The following ERN1 variants were observed in gnomAD, a reference collection of about 807,000 sequenced individuals.
The protein encoded by ERN1 is serine/threonine-protein kinase/endoribonuclease IRE1.
A neutral mutation model predicts 113.1 loss-of-function variants in ERN1; 39 were observed. The observed-to-expected ratio is 0.34, with a 90% CI of 0.27 to 0.45. The LOEUF is 0.45. Among genes scored for constraint, ERN1 ranks in the 20% least tolerant of loss-of-function variants. The pLI, the probability that ERN1 is intolerant of heterozygous loss-of-function variation, is 1.00. For missense variants in ERN1, 976 were observed against 1,274.8 expected (o/e 0.77, Z 3.57); for synonymous variants, 507 against 515.9 (o/e 0.98, Z 0.23).
intron 10 of ERN1, among the ~76,000 whole-genome samples, chr17:64,062,917 T>C (rs2143364615): frequency 6.6e-6 from 1 of 152,330 alleles, no homozygotes; most frequent in South Asian, 2.1e-4. Flanking sequence ...TGACAATCTA[T>C]AAAGGAAGCG....
Position 64,044,247 on chromosome 17 carries a change from C to T in ERN1, c.2722-47G>A. 4.4e-6 allele frequency: 6 copies of T among 1,356,318 alleles called. No individual in the cohort carries two copies. Among genetic ancestry groups the T allele is most frequent in the Non-Finnish European group, 5.9e-6 (6 of 1,016,772 alleles). The allele number at this position is 1,356,318 out of a possible 1,614,324, so 84.0% of individuals were successfully genotyped here. On this transcript the variant is annotated intron_variant, in intron 21 of 21. Coordinates refer to ENST00000433197, the MANE Select transcript of ERN1 (RefSeq NM_001433.5). This position sits in a 1 kb window ranked among gnomAD's most constrained non-coding sequence, Gnocchi z 4.1. Reference sequence around the variant, plus strand: ...GGGAGATTAGAAAGGGGTTAGAAAGCTCGGGAAATGTTGGCAAAACACCCT... The same window carrying T: ...GGGAGATTAGAAAGGGGTTAGAAAGTTCGGGAAATGTTGGCAAAACACCCT...
chr17:64,095,580 C>T (rs1366505257), intron 2 of ERN1, among the ~76,000 whole-genome samples: 1 of 152,192 alleles, frequency 6.6e-6, no homozygotes, highest in East Asian at 1.9e-4. Flanking sequence ...CATCCCTCCT[C>T]CCTTTCCAGG....
At position 64,049,409 on chromosome 17, in the gene ERN1, G is replaced by A. The variant is rs1416423689; in HGVS notation, c.2254-207C>T. On this transcript the variant is annotated intron_variant, in intron 17 of 21. Transcript: ENST00000433197. This position sits in a 1 kb window ranked among gnomAD's most constrained non-coding sequence, Gnocchi z 4.7. ...AGGTCCCAGTGGAGAACCTGGGCTT[G>A]GAGCCACCTGGAAGCCCCTGGTTCC... Among the ~76,000 whole-genome samples, 1 of 152,206 alleles carries A rather than the reference G, an allele frequency of 6.6e-6. No individual in the cohort carries two copies. The highest frequency in any genetic ancestry group is 1.5e-5 in the Non-Finnish European group (1 of 68,032).
At chr17:64,088,465 CA>C (rs1326552904) in intron 2 of ERN1, among the ~76,000 whole-genome samples, 2 of 152,248 alleles carry the variant, frequency 1.3e-5, no homozygotes, top group Non-Finnish European at 2.9e-5. Context: ...TTTAAGGACC[CA>C]AAGAGCAGAG....
chr17:64,055,550 A>C (rs1912832744), intron 13 of ERN1, 125 bp downstream of exon 13: 5 of 899,710 alleles, frequency 5.6e-6, no homozygotes, highest in Admixed American at 6.9e-5. Context: ...CCCAGAGTGG[A>C]AGTTAGAGGA....
rs114308334 is a variant in ERN1, at chr17:64,075,427, C to T, written c.283-180G>A. On this transcript the variant is annotated intron_variant, in intron 4 of 21. Transcript: ENST00000433197. ...GGGGCACCCTATGCTTCCACATCTACTGTGTTTTTATTTTCATTTTTTTGA... is the reference window on the plus strand; with the variant it reads ...GGGGCACCCTATGCTTCCACATCTATTGTGTTTTTATTTTCATTTTTTTGA... 2.9e-3 allele frequency among the ~76,000 whole-genome samples: 437 copies of T among 152,208 alleles called. 4 individuals are homozygous for T. Among genetic ancestry groups the T allele is most frequent in the African/African-American group, 9.8e-3 (406 of 41,532 alleles).
In ERN1 at chr17:64,044,159, C is replaced by T. The variant is rs373600416; in HGVS notation, c.2763G>A (p.Thr921=). The part of the protein sequence containing the change: ...YRELPAEVRE[T]LGSLPDDFVC... ...CGAAGTCGTCGGGGAGGGACCCCAG[C>T]GTCTCCCGCACCTCTGCAGGCAGCT... The change falls in exon 22 of 22, where the codon ACG becomes ACA. Residue 921 remains threonine, a synonymous_variant. Transcript: ENST00000433197. This position sits in a 1 kb window ranked among gnomAD's most constrained non-coding sequence, Gnocchi z 4.1. 1.3e-5 allele frequency: 20 copies of T among 1,593,462 alleles called. No homozygotes were observed. Among genetic ancestry groups the T allele is most frequent in the Middle Eastern group, 1.7e-4 (1 of 5,978 alleles).
chr17:64,049,258 A>C lies in ERN1; in HGVS notation c.2254-56T>G. On this transcript the variant is annotated intron_variant, in intron 17 of 21. Transcript: ENST00000433197. The surrounding 1 kb of genome is among the most constrained non-coding windows in gnomAD (Gnocchi z 4.7). ...GGGAGCAGAGTTTTCATCCTCACTC[A>C]CAGTCAGGGAGGGAGGAGCATTGCT... 3.4e-6 allele frequency: 5 copies of C among 1,482,862 alleles called. No homozygotes were observed. Among genetic ancestry groups the C allele is most frequent in the Non-Finnish European group, 3.7e-6 (4 of 1,093,636 alleles). 91.9% of individuals were successfully genotyped at this position (1,482,862 alleles called of 1,614,324 possible).
rs574173938 is a variant in ERN1 at position 64,068,373 on chromosome 17, A to G, written c.479-82T>C. The G allele has an allele frequency of 3.2e-5, 30 of 951,912 alleles. No homozygotes were observed. In the African/African-American group the frequency reaches 4.4e-4, roughly 14 times the overall value. 59.0% of individuals were successfully genotyped at this position (951,912 alleles called of 1,614,324 possible). ...GGTGTGGTCCTTATCTAATTATAAC[A>G]AACAAATCCTCCCTAAACTGTAGGC... On this transcript the variant is annotated intron_variant, in intron 6 of 21. Coordinates refer to ENST00000433197, the MANE Select transcript of ERN1 (RefSeq NM_001433.5).
At chr17:64,064,842 G>A (rs914584524) in intron 9 of ERN1, among the ~76,000 whole-genome samples, 3 of 152,190 alleles carry the variant, frequency 2.0e-5, no homozygotes, top group Non-Finnish European at 2.9e-5. Context: ...TGAACATGGG[G>A]CTTGTAGAAG....
intron 1 of ERN1, among the ~76,000 whole-genome samples, chr17:64,125,744 C>T (rs1458089876): frequency 6.6e-6 from 1 of 152,186 alleles, no homozygotes; most frequent in African/African-American, 2.4e-5. Flanking sequence ...CCGCCTTGGC[C>T]TCCTAAAGTG....
intron 1 of ERN1, chr17:64,128,710 G>C (rs997234844): frequency 6.6e-6 from 1 of 152,022 alleles, no homozygotes; most frequent in Non-Finnish European, 1.5e-5. Context: ...AGTTGTAAAA[G>C]TGGGGTTTTT....
chr17:64,042,548 A>G lies in ERN1; in HGVS notation c.*1440T>C, dbSNP rs1912372971. ...CAGGCCTGAGCTGCAATGATCCCCC[A>G]ACTGGCTGGAGAAAGTACATGGACA... is the stretch of plus-strand genomic sequence containing the variant. On this transcript the variant is annotated 3_prime_UTR_variant, in exon 22 of 22. Transcript: ENST00000433197. 6.6e-6 allele frequency: 1 copy of G among 152,206 alleles called. No individual in the cohort carries two copies. The highest frequency in any genetic ancestry group is 6.5e-5 in the Admixed American group (1 of 15,280). 9.4% of individuals were successfully genotyped at this position (152,206 alleles called of 1,614,324 possible). A position where few individuals can be genotyped will look rare whatever the true frequency, so the allele number is the denominator to read the frequency against.
At chr17:64,128,060 G>A (rs1445969341) in intron 1 of ERN1, among the ~76,000 whole-genome samples, 1 of 150,722 alleles carries the variant, frequency 6.6e-6, no homozygotes, top group East Asian at 1.9e-4. Flanking sequence ...GGAGCACAGT[G>A]ACTCCATCTC....
intron 2 of ERN1, among the ~76,000 whole-genome samples, chr17:64,081,856 T>C (rs890542500): frequency 9.9e-5 from 15 of 152,214 alleles, no homozygotes; most frequent in African/African-American, 2.2e-4. Flanking sequence ...CAGATGGTGG[T>C]GGCAGTGAGA....
At chr17:64,096,512 GTGCACAATAAATGTAA>G (rs1914234304) in intron 2 of ERN1, among the ~76,000 whole-genome samples, 1 of 152,108 alleles carries the variant, frequency 6.6e-6, no homozygotes, top group South Asian at 2.1e-4. Flanking sequence ...TAGAAATAAA[GTGCACAATAAATGTAA>G]TGCACTTGAG....
rs547623512 is a variant in ERN1 at position 64,054,175 on chromosome 17, C to T, written c.1953+75G>A. ...GGCTGGTCTCAAACTCCTGAGCTCA[C>T]GTGATCTGCTCACTTTGGCCTCCCA... is the stretch of plus-strand genomic sequence containing the variant. On this transcript the variant is annotated intron_variant, in intron 15 of 21. Coordinates refer to ENST00000433197, the MANE Select transcript of ERN1 (RefSeq NM_001433.5). The surrounding 1 kb of genome is among the most constrained non-coding windows in gnomAD (Gnocchi z 4.9). 101 of 1,334,534 alleles carry T rather than the reference C, an allele frequency of 7.6e-5. No homozygotes were observed. The African/African-American group carries it at 1.0e-3, about 13-fold the overall frequency. The allele number at this position is 1,334,534 out of a possible 1,614,324, so 82.7% of individuals were successfully genotyped here. A position where few individuals can be genotyped will look rare whatever the true frequency, so the allele number is the denominator to read the frequency against.
At chr17:64,120,437 T>C (rs1914925716) in intron 1 of ERN1, among the ~76,000 whole-genome samples, 1 of 152,186 alleles carries the variant, frequency 6.6e-6, no homozygotes. Flanking sequence ...CAGACACTCC[T>C]GCAGCCCAGA....
chr17:64,048,216 A>G (rs1156640500), intron 18 of ERN1, among the ~76,000 whole-genome samples: 3 of 152,246 alleles, frequency 2.0e-5, no homozygotes, highest in Non-Finnish European at 4.4e-5. Context: ...CCAAGTGGAT[A>G]CACTACGGTG....
Sources: gnomAD v4.1 joint callset for allele counts (sites outside exome capture counted in the v4.1 genomes callset) on GRCh38, gnomAD v4.1.1 for gene constraint, Gnocchi (gnomAD v3.1) non-coding constraint, MANE v1.5 for transcripts, NCBI Gene and HGNC (gene_info 2026-07-23, HGNC 2026-07-21) for gene names.